MRM2: variants seen among roughly 807,000 people sequenced by gnomAD.
The protein encoded by MRM2 is rRNA methyltransferase 2, mitochondrial.
A neutral mutation model predicts 10.9 loss-of-function variants in MRM2; 15 were observed. The observed-to-expected ratio is 1.37, with a 90% CI of 0.92 to 2.11. The LOEUF is 2.11. Among genes scored for constraint, MRM2 ranks in the 30% most tolerant of loss-of-function variants. MRM2 has a pLI of 0.00. For synonymous variants in MRM2, 139 were observed against 128.7 expected (o/e 1.08, Z -0.54); for missense variants, 328 against 321.3 (o/e 1.02, Z -0.16).
At chr7:2,240,471 G>T (rs1794502973) in intron 1 of MRM2, among the ~76,000 whole-genome samples, 1 of 148,440 alleles carries the variant, frequency 6.7e-6, no homozygotes, top group Non-Finnish European at 1.5e-5. Flanking sequence ...TGAGGTCACG[G>T]TTCAACGCAG....
chr7:2,237,041 G>A (rs1401571987), intron 2 of MRM2, among the ~76,000 whole-genome samples: 1 of 152,184 alleles, frequency 6.6e-6, no homozygotes, highest in African/African-American at 2.4e-5. Context: ...GTGTGTGTGT[G>A]TGAGACAAGG....
In MRM2 at chr7:2,239,518, C is replaced by T. The variant is rs1357132091; in HGVS notation, c.198G>A (p.Arg66=). Residue 66 remains arginine, a synonymous_variant, in exon 2 of 3, where the codon AGG becomes AGA. Coordinates refer to ENST00000242257, the MANE Select transcript of MRM2 (RefSeq NM_013393.3). ...GAAGGCCGGGCCGCAGAATCTGGTG[C>T]CTCTCGTTCACCTCCAGGAGCTTGA... ...SAFKLLEVNE[R]HQILRPGLRV... is the part of the protein sequence containing the mutation. 6.2e-7 allele frequency: 1 copy of T among 1,613,892 alleles called. No individual in the cohort carries two copies. Among genetic ancestry groups the T allele is most frequent in the Non-Finnish European group, 8.5e-7 (1 of 1,180,028 alleles).
chr7:2,241,522 G>A (rs1794538953), intron 1 of MRM2, among the ~76,000 whole-genome samples: 2 of 151,046 alleles, frequency 1.3e-5, no homozygotes, highest in African/African-American at 4.9e-5. Context: ...GGCTGGTCTC[G>A]AACTCCTAGG....
At chr7:2,239,169 T>C (rs1470659484) in intron 2 of MRM2, 4 of 779,618 alleles carry the variant, frequency 5.1e-6, no homozygotes, top group Non-Finnish European at 9.6e-6. Flanking sequence ...ACCACCATGC[T>C]GGTGCTGGTA....
chr7:2,241,507 G>A (rs961575232), intron 1 of MRM2, among the ~76,000 whole-genome samples: 6 of 149,642 alleles, frequency 4.0e-5, no homozygotes, highest in African/African-American at 1.5e-4. Flanking sequence ...TCACTACATT[G>A]CCTAGGCTGG....
intron 1 of MRM2, 39 bp downstream of exon 1, chr7:2,242,123 T>G (rs769781756): frequency 6.3e-7 from 1 of 1,580,180 alleles, no homozygotes; most frequent in Admixed American, 1.7e-5. Context: ...CCCCAACCAC[T>G]CCCGCTGTCT....
Position 2,234,986 on chromosome 7 carries a change from A to C in MRM2, c.*136T>G. ...TGGTTAAAAAGAGAGAGAGAGAAAG[A>C]GAGAGAGAGACTCCCCACTTGTCCT... On this transcript the variant is annotated 3_prime_UTR_variant, in exon 3 of 3. Coordinates refer to ENST00000242257, the MANE Select transcript of MRM2 (RefSeq NM_013393.3). 1.5e-6 allele frequency: 1 copy of C among 660,790 alleles called. No homozygotes were observed. Among genetic ancestry groups the C allele is most frequent in the East Asian group, 2.6e-5 (1 of 37,810 alleles). 40.9% of individuals were successfully genotyped at this position (660,790 alleles called of 1,614,324 possible). A position where few individuals can be genotyped will look rare whatever the true frequency, so the allele number is the denominator to read the frequency against.
intron 2 of MRM2, among the ~76,000 whole-genome samples, chr7:2,236,717 G>T (rs772077357): frequency 6.6e-6 from 1 of 152,248 alleles, no homozygotes; most frequent in Admixed American, 6.5e-5. Context: ...TCCCCCTACC[G>T]TTGGAACAGC....
chr7:2,240,386 G>A (rs947540421), intron 1 of MRM2: 1 of 368,476 alleles, frequency 2.7e-6, no homozygotes, highest in Non-Finnish European at 5.4e-6. Flanking sequence ...AGAGGGTCTG[G>A]CCTGTCACAT....
At position 2,235,135 on chromosome 7, in the gene MRM2, G is replaced by A; in HGVS notation, c.728C>T (p.Thr243Ile). The change falls in exon 3 of 3, where the codon ACT becomes ATT. Residue 243 changes from threonine to isoleucine, a missense_variant. Physicochemically the swap from Thr to Ile is moderately conservative, Grantham distance 89 (BLOSUM62 -1). Transcript: ENST00000242257. Reference protein sequence around the residue: ...LATQYHGRKGTVKQ With the variant: ...LATQYHGRKGIVKQ Reference sequence around the variant, plus strand: ...CACAAGAAATCCTCACTGCTTCACAGTGCCCTTCCTTCCGTGGTACTGTGT... The same window carrying A: ...CACAAGAAATCCTCACTGCTTCACAATGCCCTTCCTTCCGTGGTACTGTGT... The A allele has an allele frequency of 6.2e-7, 1 of 1,612,574 alleles. No homozygotes were observed. The highest frequency in any genetic ancestry group is 8.5e-7 in the Non-Finnish European group (1 of 1,178,702).
intron 1 of MRM2, among the ~76,000 whole-genome samples, chr7:2,240,553 A>T (rs1666761992): frequency 6.6e-6 from 1 of 151,886 alleles, no homozygotes; most frequent in African/African-American, 2.4e-5. Flanking sequence ...ACCTGTGTCA[A>T]TCGTTGAAGG....
At chr7:2,237,789 A>G (rs941382881) in intron 2 of MRM2, among the ~76,000 whole-genome samples, 1 of 151,898 alleles carries the variant, frequency 6.6e-6, no homozygotes, top group Admixed American at 6.6e-5. Flanking sequence ...TAAACATACA[A>G]AAATTAGCCG....
intron 1 of MRM2, 24 bp from the exon 2 acceptor site, chr7:2,239,731 G>A: frequency 1.2e-6 from 2 of 1,602,968 alleles, no homozygotes; most frequent in Non-Finnish European, 1.7e-6. Context: ...AGAGGAGCAG[G>A]CAGGTTGGCA....
At position 2,235,204 on chromosome 7, in the gene MRM2, G is replaced by A; in HGVS notation, c.659C>T (p.Pro220Leu). ...TGATGACTCTTTCCTGCTGGCTTCA[G>A]GTTTGATGATCCTTACATTCTGGAA... ...EEFQNVRIIK[P>L]EASRKESSEV... Residue 220 changes from proline (P) to leucine (L), a missense_variant, in exon 3 of 3, where the codon CCT becomes CTT. By Grantham distance (98) the Pro-to-Leu change is moderately conservative (BLOSUM62 -3). Transcript: ENST00000242257. The A allele has an allele frequency of 1.2e-6, 2 of 1,614,108 alleles. No individual in the cohort carries two copies. The highest frequency in any genetic ancestry group is 1.7e-6 in the Non-Finnish European group (2 of 1,179,970).
At chr7:2,240,260 A>G (rs1562402402) in intron 1 of MRM2, 1 of 455,868 alleles carries the variant, frequency 2.2e-6, no homozygotes, top group South Asian at 1.6e-5. Context: ...AATTAAAGTA[A>G]TATTATTTTC....
At chr7:2,239,069 A>G (rs553382060) in intron 2 of MRM2, 1 of 720,640 alleles carries the variant, frequency 1.4e-6, no homozygotes, top group South Asian at 1.5e-5. Flanking sequence ...AATAGCTCCA[A>G]TAGGCTGCAA....
intron 2 of MRM2, among the ~76,000 whole-genome samples, chr7:2,237,696 T>C (rs749321663): frequency 6.6e-6 from 1 of 152,044 alleles, no homozygotes; most frequent in Non-Finnish European, 1.5e-5. Flanking sequence ...ACCTCGAGGA[T>C]GCTGGGAGGC....
At position 2,242,133 on chromosome 7, in the gene MRM2, T is replaced by C. The variant is rs763681946; in HGVS notation, c.8+29A>G. On this transcript the variant is annotated intron_variant, in intron 1 of 2. Coordinates refer to ENST00000242257, the MANE Select transcript of MRM2 (RefSeq NM_013393.3). ...CGGACCCCCAACCACTCCCGCTGTC[T>C]GCACGCGCAGCAGCAGCGCCCAGCT... 3.2e-6 allele frequency: 5 copies of C among 1,583,762 alleles called. No individual in the cohort carries two copies. In the South Asian group the frequency reaches 5.7e-5, roughly 18 times the overall value.
At position 2,235,024 on chromosome 7, in the gene MRM2, A is replaced by G; in HGVS notation, c.*98T>C. Reference sequence around the variant, plus strand: ...CCCCACTTGTCCTGCTCCATCTCCAAAATCAGCTCAAATCTCCCAGGAACT... The same window carrying G: ...CCCCACTTGTCCTGCTCCATCTCCAGAATCAGCTCAAATCTCCCAGGAACT... On this transcript the variant is annotated 3_prime_UTR_variant, in exon 3 of 3. Transcript: ENST00000242257. 1 of 918,700 alleles carries G rather than the reference A, an allele frequency of 1.1e-6. No homozygotes were observed. Among genetic ancestry groups the G allele is most frequent in the South Asian group, 1.6e-5 (1 of 62,562 alleles). The allele number at this position is 918,700 out of a possible 1,614,324, so 56.9% of individuals were successfully genotyped here.
Sources: gnomAD v4.1 joint callset for allele counts (sites outside exome capture counted in the v4.1 genomes callset) on GRCh38, gnomAD v4.1.1 for gene constraint, MANE v1.5 for transcripts, NCBI Gene and HGNC (gene_info 2026-07-23, HGNC 2026-07-21) for gene names.